The following NTRK2 variants were observed in gnomAD, a reference collection of about 807,000 sequenced individuals.
NTRK2 encodes the protein neurotrophic receptor tyrosine kinase 2, also known as BDNF/NT-3 growth factors receptor.
Under a neutral mutation model 94.5 loss-of-function variants are expected in NTRK2, and 13 were observed. That is an observed-to-expected ratio of 0.14 (90% CI 0.09 to 0.22). NTRK2 has a LOEUF of 0.22. Among genes scored for constraint, NTRK2 ranks in the 10% least tolerant of loss-of-function variants. The pLI is 1.00. For synonymous variants in NTRK2, 372 were observed against 407.4 expected (o/e 0.91, Z 1.05); for missense variants, 639 against 1,071.2 (o/e 0.60, Z 5.63).
rs114072685 is a variant in NTRK2 at position 85,014,370 on chromosome 9, C to A, written c.2173-5836C>A. Among the ~76,000 whole-genome samples, 293 of 152,282 alleles carry A rather than the reference C, an allele frequency of 1.9e-3. 1 individual carries two copies. Among genetic ancestry groups the A allele is most frequent in the African/African-American group, 6.7e-3 (277 of 41,542 alleles). The stretch of plus-strand genomic sequence containing the variant: ...CCTGGAAAACGAGTGGTGCATTCCT[C>A]GTTAACGTGTGCCAAGGATAGCAAA... On this transcript the variant is annotated intron_variant, in intron 17 of 18. Coordinates refer to ENST00000277120, the MANE Select transcript of NTRK2 (RefSeq NM_006180.6).
chr9:85,012,858 G>T (rs1032781006), intron 17 of NTRK2, among the ~76,000 whole-genome samples: 1 of 152,172 alleles, frequency 6.6e-6, no homozygotes, highest in Non-Finnish European at 1.5e-5. Flanking sequence ...TTTTGGGAGA[G>T]TAGTTATTGA....
intron 12 of NTRK2, among the ~76,000 whole-genome samples, chr9:84,752,886 G>C (rs1564192169): frequency 1.3e-5 from 2 of 152,300 alleles, no homozygotes; most frequent in South Asian, 4.2e-4. Context: ...GTCTAAATGG[G>C]AATGCTGTGA....
intron 12 of NTRK2, among the ~76,000 whole-genome samples, chr9:84,827,523 C>T (rs2073263843): frequency 6.6e-6 from 1 of 152,134 alleles, no homozygotes; most frequent in South Asian, 2.1e-4. Flanking sequence ...TGTGAAATCT[C>T]CTGATTTTTA....
intron 14 of NTRK2, chr9:84,876,165 T>C (rs1587789268): frequency 9.6e-7 from 1 of 1,041,054 alleles, no homozygotes; most frequent in Non-Finnish European, 1.2e-6. Context: ...TAGATAATAA[T>C]GGCATTTGGA....
In NTRK2 at chr9:84,955,251, C is replaced by T. The variant is rs1318080544; in HGVS notation, c.1938-32C>T. The T allele has an allele frequency of 1.0e-5, 16 of 1,546,614 alleles. No individual in the cohort carries two copies. In the East Asian group the frequency reaches 3.9e-4, roughly 37 times the overall value. The stretch of plus-strand genomic sequence containing the variant: ...GGCCCCTGGAGTGAAAATGCTGAGG[C>T]CCCCAGCTTCATTCTCCATGTCCTT... On this transcript the variant is annotated intron_variant, in intron 16 of 18. Coordinates refer to ENST00000277120, the MANE Select transcript of NTRK2 (RefSeq NM_006180.6).
Position 84,761,236 on chromosome 9 carries a change from T to C in NTRK2, c.1396+9151T>C, listed in dbSNP as rs141459649. Among the ~76,000 whole-genome samples the C allele has an allele frequency of 8.1e-3, 1,240 of 152,214 alleles. 20 individuals carry two copies. The highest frequency in any genetic ancestry group is 0.044 in the East Asian group (227 of 5,178). ...CTTTTGTAGACATTAATATCCTGGA[T>C]TGAAGCAGAAGAGTCATCTCTGTCT... On this transcript the variant is annotated intron_variant, in intron 12 of 18. Transcript: ENST00000277120.
At chr9:84,910,056 C>G (rs903972070) in intron 14 of NTRK2, among the ~76,000 whole-genome samples, 17 of 151,992 alleles carry the variant, frequency 1.1e-4, no homozygotes, top group African/African-American at 4.1e-4. Context: ...CTACGAAGTT[C>G]TGTAGTTTTA....
intron 8 of NTRK2, among the ~76,000 whole-genome samples, chr9:84,726,161 A>G (rs1234688428): frequency 6.6e-6 from 1 of 152,222 alleles, no homozygotes; most frequent in African/African-American, 2.4e-5. Context: ...GTCATAGTTT[A>G]GACAAAGAGC....
At chr9:84,912,611 CTTTTTTTT>C (rs1212242779) in intron 14 of NTRK2, among the ~76,000 whole-genome samples, 6,153 of 95,406 alleles carry the variant, frequency 0.064, 150 homozygotes, top group African/African-American at 0.15. Flanking sequence ...TTTGACTTGC[CTTTTTTTT>C]TTTTTTTTTT....
chr9:84,749,407 G>T (rs565019855), intron 11 of NTRK2, among the ~76,000 whole-genome samples: 11 of 152,278 alleles, frequency 7.2e-5, no homozygotes, highest in African/African-American at 2.6e-4. Flanking sequence ...TGACATGAAA[G>T]ATGGTGTCCT....
intron 12 of NTRK2, among the ~76,000 whole-genome samples, chr9:84,855,074 G>C (rs1384859530): frequency 5.3e-5 from 8 of 152,132 alleles, no homozygotes; most frequent in Non-Finnish European, 1.2e-4. Context: ...GAGGCAGGGA[G>C]GGGGAAGACC....
chr9:84,721,063 A>G (rs1272325154), intron 6 of NTRK2, among the ~76,000 whole-genome samples: 1 of 152,220 alleles, frequency 6.6e-6, no homozygotes, highest in Non-Finnish European at 1.5e-5. Flanking sequence ...GGTACATATA[A>G]CGGTGTTGCA....
At chr9:84,881,466 G>A (rs992719504) in intron 14 of NTRK2, among the ~76,000 whole-genome samples, 3 of 152,208 alleles carry the variant, frequency 2.0e-5, no homozygotes, top group African/African-American at 7.2e-5. Context: ...AATTTTGTAA[G>A]TTCTGAATCA....
chr9:84,882,104 C>T (rs2076270853), intron 14 of NTRK2, among the ~76,000 whole-genome samples: 1 of 152,078 alleles, frequency 6.6e-6, no homozygotes, highest in Admixed American at 6.6e-5. Flanking sequence ...CCTAGATACC[C>T]AAACCCTAGC....
At chr9:84,942,038 A>G (rs143286185) in intron 15 of NTRK2, among the ~76,000 whole-genome samples, 88 of 152,332 alleles carry the variant, frequency 5.8e-4, no homozygotes, top group African/African-American at 2.0e-3. Flanking sequence ...CTTGGTACAT[A>G]ATTAAAGTCC....
intron 14 of NTRK2, among the ~76,000 whole-genome samples, chr9:84,899,950 G>C (rs543654697): frequency 6.6e-6 from 1 of 152,188 alleles, no homozygotes; most frequent in Non-Finnish European, 1.5e-5. Context: ...CCAAGTCTTA[G>C]GGTCCTTTAG....
chr9:84,834,650 C>T (rs1220577155), intron 12 of NTRK2, among the ~76,000 whole-genome samples: 1 of 152,090 alleles, frequency 6.6e-6, no homozygotes, highest in Admixed American at 6.5e-5. Flanking sequence ...TTTCCTGGCT[C>T]GGGTTACTAC....
chr9:84,904,192 G>A (rs1188180510), intron 14 of NTRK2, among the ~76,000 whole-genome samples: 1 of 152,108 alleles, frequency 6.6e-6, no homozygotes, highest in African/African-American at 2.4e-5. Flanking sequence ...TGTCTTTAAT[G>A]CATTCCTCTA....
intron 12 of NTRK2, among the ~76,000 whole-genome samples, chr9:84,790,800 G>A (rs1474589886): frequency 3.3e-5 from 5 of 152,198 alleles, no homozygotes; most frequent in African/African-American, 1.2e-4. Context: ...GGGGACACAA[G>A]AGAGAAACTC....
Sources: gnomAD v4.1 joint callset for allele counts (sites outside exome capture counted in the v4.1 genomes callset) on GRCh38, gnomAD v4.1.1 for gene constraint, MANE v1.5 for transcripts, NCBI Gene and HGNC (gene_info 2026-07-23, HGNC 2026-07-21) for gene names.